The following RBFOX2 variants were observed in gnomAD, a reference collection of about 807,000 sequenced individuals.
The protein encoded by RBFOX2 is RNA binding protein fox-1 homolog 2.
In RBFOX2, 10 loss-of-function variants were observed where a neutral mutation model predicts 49.1. The ratio of observed to expected loss-of-function variants is 0.20; its 90% CI spans 0.13 to 0.35. The LOEUF (loss-of-function observed/expected upper bound fraction) is 0.35. Among genes scored for constraint, RBFOX2 ranks in the 10% least tolerant of loss-of-function variants. The probability of loss-of-function intolerance (pLI) is 1.00; values close to 1 mark genes in which losing one functional copy is unlikely to be tolerated. For missense variants in RBFOX2, 323 were observed against 486.9 expected (o/e 0.66, Z 3.17); for synonymous variants, 183 against 187.4 (o/e 0.98, Z 0.19).
At chr22:35,746,799 AAAAGT>A in intron 9 of RBFOX2, 1 of 375,828 alleles carries the variant, frequency 2.7e-6, no homozygotes, top group Non-Finnish European at 4.7e-6. Flanking sequence ...TGATAGTATT[AAAAGT>A]AAAGTTTGGT....
intron 5 of RBFOX2, among the ~76,000 whole-genome samples, chr22:35,766,099 A>G (rs1354303408): frequency 6.6e-6 from 1 of 152,244 alleles, no homozygotes; most frequent in Non-Finnish European, 1.5e-5. Flanking sequence ...GGCACTTAAA[A>G]GAATTGAGAA....
At chr22:36,004,353 A>C (rs1419312451) in intron 1 of RBFOX2, among the ~76,000 whole-genome samples, 2 of 152,228 alleles carry the variant, frequency 1.3e-5, no homozygotes, top group Non-Finnish European at 1.5e-5. Flanking sequence ...TCTAACGTCA[A>C]GATCTCAAAC....
chr22:35,793,420 GATGGGTTAAA>G (rs1281286431), intron 2 of RBFOX2, among the ~76,000 whole-genome samples: 7 of 152,164 alleles, frequency 4.6e-5, no homozygotes, highest in Non-Finnish European at 7.3e-5. Context: ...TGGAGTTCCT[GATGGGTTAAA>G]ACTTGGTGGA....
intron 1 of RBFOX2, among the ~76,000 whole-genome samples, chr22:36,027,381 C>A (rs905434329): frequency 2.0e-5 from 3 of 152,140 alleles, no homozygotes; most frequent in African/African-American, 7.2e-5. Flanking sequence ...ATCGTAAAAC[C>A]TCCAAAGGTT....
At chr22:35,988,644 C>A (rs1417234801) in intron 1 of RBFOX2, among the ~76,000 whole-genome samples, 3 of 151,844 alleles carry the variant, frequency 2.0e-5, no homozygotes, top group Admixed American at 2.0e-4. Flanking sequence ...TATGCATGAG[C>A]GGGTCAAGGG....
At chr22:35,905,515 G>A (rs2049029398) in intron 1 of RBFOX2, among the ~76,000 whole-genome samples, 1 of 152,156 alleles carries the variant, frequency 6.6e-6, no homozygotes, top group African/African-American at 2.4e-5. Context: ...TGAAATGACT[G>A]AATCTTAAAT....
intron 1 of RBFOX2, among the ~76,000 whole-genome samples, chr22:35,839,770 G>A (rs1340784679): frequency 6.6e-6 from 1 of 152,180 alleles, no homozygotes; most frequent in African/African-American, 2.4e-5. Flanking sequence ...AAGTGAACAA[G>A]GAATCAGATT....
chr22:35,997,714 G>A (rs2058248013), intron 1 of RBFOX2: 1 of 152,230 alleles, frequency 6.6e-6, no homozygotes, highest in South Asian at 2.1e-4. Flanking sequence ...ATAACTGTCG[G>A]ATGCAGTGGC....
intron 1 of RBFOX2, among the ~76,000 whole-genome samples, chr22:35,818,100 G>C (rs1953564968): frequency 6.6e-6 from 1 of 152,096 alleles, no homozygotes; most frequent in Non-Finnish European, 1.5e-5. Flanking sequence ...TCAGAACAAA[G>C]TCATTCAAAC....
upstream of RBFOX2, among the ~76,000 whole-genome samples, chr22:35,962,870 C>T (rs2056318158): frequency 6.6e-6 from 1 of 151,772 alleles, no homozygotes; most frequent in Non-Finnish European, 1.5e-5. Flanking sequence ...TGAATCAACG[C>T]AGTGGCTATG....
chr22:36,026,225 C>T (rs1031016864), intron 1 of RBFOX2, among the ~76,000 whole-genome samples: 2 of 146,570 alleles, frequency 1.4e-5, no homozygotes, highest in African/African-American at 2.5e-5. Flanking sequence ...TGCAGTGAGC[C>T]GAGATCGTGC....
intron 1 of RBFOX2, among the ~76,000 whole-genome samples, chr22:35,882,896 T>C (rs954996376): frequency 2.0e-5 from 3 of 152,224 alleles, no homozygotes; most frequent in Non-Finnish European, 4.4e-5. Context: ...TTAGGGCTGC[T>C]TTCTCACTTG....
chr22:35,768,159 A>C, intron 5 of RBFOX2, 98 bp downstream of exon 6: 1 of 1,263,754 alleles, frequency 7.9e-7, no homozygotes, highest in East Asian at 2.3e-5. Context: ...GTGCACACGC[A>C]CACATAAGAC....
chr22:35,784,256 C>A (rs1274154904), intron 2 of RBFOX2, among the ~76,000 whole-genome samples: 3 of 152,140 alleles, frequency 2.0e-5, no homozygotes, highest in Non-Finnish European at 4.4e-5. Flanking sequence ...ATGCTGAAAA[C>A]CAAGGGAAAG....
At chr22:35,740,832 T>C (rs1929565037) in exon 12 of RBFOX2, 2 of 152,170 alleles carry the variant, frequency 1.3e-5, no homozygotes, top group African/African-American at 4.8e-5. Context: ...AGTTACAGGA[T>C]GGTAGTGATT....
intron 1 of RBFOX2, among the ~76,000 whole-genome samples, chr22:35,960,016 T>C (rs1446135043): frequency 6.6e-6 from 1 of 152,206 alleles, no homozygotes; most frequent in Admixed American, 6.5e-5. Context: ...ATTGTTGCAT[T>C]GTTATTTTTT....
chr22:35,950,735 T>C (rs778111127), intron 1 of RBFOX2, among the ~76,000 whole-genome samples: 6 of 151,996 alleles, frequency 3.9e-5, no homozygotes, highest in Non-Finnish European at 7.4e-5. Flanking sequence ...GGCCAGGAAG[T>C]GTTTGGTGGT....
rs1173067625 is a variant in RBFOX2, at chr22:36,028,549, T to TGCGTGCGC, written c.-132_-125dup. ...CTGCCCCCGCCCCCGCGTGCGTGCG[T>TGCGTGCGC]GCGTGCGCGCGAGCGGACTCCGCGC... On this transcript the variant is annotated 5_prime_UTR_variant, in exon 1 of 14. Coordinates refer to the RBFOX2 transcript ENST00000438146. 5 of 887,310 alleles carry TGCGTGCGC rather than the reference T, an allele frequency of 5.6e-6. No individual in the cohort carries two copies. The Admixed American group carries it at 1.9e-4, about 33-fold the overall frequency. 55.0% of individuals were successfully genotyped at this position (887,310 alleles called of 1,614,324 possible).
chr22:35,953,541 G>T (rs1185310993), intron 1 of RBFOX2, among the ~76,000 whole-genome samples: 1 of 152,194 alleles, frequency 6.6e-6, no homozygotes, highest in African/African-American at 2.4e-5. Flanking sequence ...TACGGGTGAT[G>T]TATCCATTGA....
Sources: allele counts gnomAD v4.1 joint callset (sites outside exome capture counted in the v4.1 genomes callset), GRCh38; gene constraint gnomAD v4.1.1; transcripts MANE v1.5; gene names NCBI Gene and HGNC (gene_info 2026-07-23, HGNC 2026-07-21).